Variants in API5 observed in about 807,000 individuals in gnomAD.
The protein encoded by API5 is apoptosis inhibitor 5.
A neutral mutation model predicts 71.9 loss-of-function variants in API5; 6 were observed. The ratio of observed to expected loss-of-function variants is 0.08; its 90% CI spans 0.05 to 0.16. The LOEUF (loss-of-function observed/expected upper bound fraction) is 0.16, where lower values mean the gene tolerates loss of function less well. Ranked by LOEUF, API5 falls within the 10% of genes least tolerant of loss-of-function variation. The probability of loss-of-function intolerance (pLI) is 1.00; values close to 1 mark genes in which losing one functional copy is unlikely to be tolerated. For synonymous variants in API5, 189 were observed against 221.3 expected (o/e 0.85, Z 1.30); for missense variants, 332 against 612.8 (o/e 0.54, Z 4.84).
At chr11:43,330,424 T>C (rs1855214038) in intron 10 of API5, 84 bp from the exon 11 acceptor site, 2 of 980,948 alleles carry the variant, frequency 2.0e-6, no homozygotes, top group Middle Eastern at 2.1e-4. Flanking sequence ...GATAGAAGTG[T>C]AATTACTCTA....
chr11:43,317,989 T>TTTTGTTTG lies in API5; in HGVS notation c.70-639_70-632dup, dbSNP rs150179034. Among the ~76,000 whole-genome samples, 717 of 150,818 alleles carry TTTTGTTTG rather than the reference T, an allele frequency of 4.8e-3. 4 individuals carry two copies. Among genetic ancestry groups the TTTTGTTTG allele is most frequent in the African/African-American group, 0.016 (646 of 40,938 alleles). ...CCACACCTGGCCATCATTACAATTG[T>TTTTGTTTG]TTTGTTTGTTTGTTTGTTTTGTTTT... is the stretch of plus-strand genomic sequence containing the variant. On this transcript the variant is annotated intron_variant, in intron 1 of 13. Coordinates refer to ENST00000531273, the MANE Select transcript of API5 (RefSeq NM_001142930.2).
rs1855720332 is a variant in API5, at chr11:43,344,512, A to AT, written c.*2005dup. ...ATGTCCCCTTATGCTTTTGAAATAA[A>AT]TTTCCTTTTGTAATTTTGTTTTGTG... On this transcript the variant is annotated 3_prime_UTR_variant, in exon 14 of 14. Coordinates refer to ENST00000531273, the MANE Select transcript of API5 (RefSeq NM_001142930.2). 6.6e-6 allele frequency: 1 copy of AT among 152,496 alleles called. No homozygotes were observed. The highest frequency in any genetic ancestry group is 1.5e-5 in the Non-Finnish European group (1 of 68,018). The allele number at this position is 152,496 out of a possible 1,614,324, so 9.4% of individuals were successfully genotyped here.
At chr11:43,329,844 T>G in intron 9 of API5, 121 bp from the exon 10 acceptor site, 1 of 745,640 alleles carries the variant, frequency 1.3e-6, no homozygotes, top group Non-Finnish European at 2.2e-6. Context: ...AATTCTCTTC[T>G]TTAATTTACT....
At chr11:43,315,380 C>T (rs974631514) in intron 1 of API5, among the ~76,000 whole-genome samples, 1 of 151,914 alleles carries the variant, frequency 6.6e-6, no homozygotes, top group African/African-American at 2.4e-5. Flanking sequence ...GGGTTAAATC[C>T]TTTTATGTAT....
chr11:43,333,884 G>A (rs781044460), intron 11 of API5, among the ~76,000 whole-genome samples: 3 of 152,164 alleles, frequency 2.0e-5, no homozygotes, highest in Non-Finnish European at 4.4e-5. Context: ...ATAAATTTGG[G>A]AGAACCTGAA....
intron 11 of API5, among the ~76,000 whole-genome samples, chr11:43,334,624 T>G (rs552026435): frequency 6.6e-6 from 1 of 152,188 alleles, no homozygotes; most frequent in Non-Finnish European, 1.5e-5. Flanking sequence ...TTTATTCAGT[T>G]GTGAGGATAT....
chr11:43,314,241 C>G (rs954923946), intron 1 of API5, among the ~76,000 whole-genome samples: 4 of 152,080 alleles, frequency 2.6e-5, no homozygotes, highest in African/African-American at 9.7e-5. Context: ...ATTGTTCTAC[C>G]TACGTTAGAC....
At chr11:43,320,042 CTTTTTTTTTTTT>C (rs368783012) in intron 2 of API5, among the ~76,000 whole-genome samples, 8 of 120,154 alleles carry the variant, frequency 6.7e-5, no homozygotes, top group Non-Finnish European at 1.2e-4. Flanking sequence ...CAAATTCTCT[CTTTTTTTTTTTT>C]TTTTTTTTTG....
chr11:43,339,373 T>A (rs1282290253), intron 13 of API5: 3 of 152,170 alleles, frequency 2.0e-5, no homozygotes, highest in Non-Finnish European at 4.4e-5. Flanking sequence ...AAAACCAAGC[T>A]CTCTCTATTG....
intron 13 of API5, among the ~76,000 whole-genome samples, chr11:43,341,675 T>C (rs767570375): frequency 1.2e-4 from 18 of 152,252 alleles, no homozygotes; most frequent in Non-Finnish European, 2.1e-4. Flanking sequence ...CACTATAGCA[T>C]GACTATAGTT....
At chr11:43,331,501 GAA>G in intron 11 of API5, 1 of 230,588 alleles carries the variant, frequency 4.3e-6, no homozygotes, top group South Asian at 6.3e-5. Context: ...TTATTATAAA[GAA>G]GAGAAAATAT....
chr11:43,326,399 C>A, intron 6 of API5, 108 bp from the exon 7 acceptor site: 1 of 700,604 alleles, frequency 1.4e-6, no homozygotes, highest in Non-Finnish European at 2.5e-6. Flanking sequence ...TATTTGTAGT[C>A]AGAATACTTG....
chr11:43,330,258 C>G, intron 10 of API5, 200 bp downstream of exon 10: 2 of 613,546 alleles, frequency 3.3e-6, no homozygotes, highest in Non-Finnish European at 5.7e-6. Flanking sequence ...TGCATGTGAC[C>G]TTACTCATTT....
intron 13 of API5, among the ~76,000 whole-genome samples, chr11:43,337,007 CAAAAAAAAA>C (rs559170436): frequency 4.4e-3 from 294 of 66,856 alleles, no homozygotes; most frequent in African/African-American, 0.02. Flanking sequence ...GACTCCGTCT[CAAAAAAAAA>C]AAAAAAAAAA....
intron 5 of API5, 74 bp downstream of exon 5, chr11:43,322,210 A>G (rs1854917936): frequency 7.9e-6 from 11 of 1,395,880 alleles, no homozygotes; most frequent in South Asian, 1.5e-5. Context: ...GTATTCGTCA[A>G]TGTTATGTGT....
At chr11:43,323,665 A>G (rs1854969875) in intron 6 of API5, 29 bp downstream of exon 6, 1 of 1,583,942 alleles carries the variant, frequency 6.3e-7, no homozygotes, top group Non-Finnish European at 8.7e-7. Flanking sequence ...CACACCCGGT[A>G]TTAGCTATAT....
At chr11:43,325,777 G>T (rs150395255) in intron 6 of API5, among the ~76,000 whole-genome samples, 2 of 152,312 alleles carry the variant, frequency 1.3e-5, no homozygotes, top group Admixed American at 6.5e-5. Context: ...CTGCCAGGAA[G>T]TGAAAAGGGC....
intron 11 of API5, 109 bp downstream of exon 11, chr11:43,330,673 T>A (rs940492976): frequency 3.2e-5 from 27 of 837,782 alleles, no homozygotes; most frequent in Non-Finnish European, 4.6e-5. Context: ...CATGCAAACT[T>A]CTTCTGGCTC....
intron 1 of API5, among the ~76,000 whole-genome samples, chr11:43,312,890 C>T (rs918440369): frequency 1.8e-4 from 27 of 151,986 alleles, no homozygotes; most frequent in African/African-American, 6.3e-4. Context: ...GGGCGGATCA[C>T]GAGGTCAGGA....
Sources: gnomAD v4.1 joint callset for allele counts (sites outside exome capture counted in the v4.1 genomes callset) on GRCh38, gnomAD v4.1.1 for gene constraint, MANE v1.5 for transcripts, NCBI Gene and HGNC (gene_info 2026-07-23, HGNC 2026-07-21) for gene names.